The following PRKG1 variants were observed in gnomAD, a reference collection of about 807,000 sequenced individuals.
The protein encoded by PRKG1 is protein kinase cGMP-dependent 1.
Under a neutral mutation model 88.1 loss-of-function variants are expected in PRKG1, and 35 were observed. That is an observed-to-expected ratio of 0.40 (90% CI 0.30 to 0.53). The LOEUF (loss-of-function observed/expected upper bound fraction) is 0.53, where lower values mean the gene tolerates loss of function less well. PRKG1 is among the 20% of genes least tolerant of loss of function. The pLI, the probability that PRKG1 is intolerant of heterozygous loss-of-function variation, is 0.59. For missense variants in PRKG1, 540 were observed against 839.8 expected, an observed-to-expected ratio of 0.64 and a Z score of 4.41; for synonymous variants, 303 against 292.5, an observed-to-expected ratio of 1.04 and a Z score of -0.37.
intron 9 of PRKG1, among the ~76,000 whole-genome samples, chr10:52,245,950 C>G (rs954901921): frequency 6.6e-6 from 1 of 151,940 alleles, no homozygotes; most frequent in African/African-American, 2.4e-5. Flanking sequence ...TGCATGTGGA[C>G]TTTACTTTTA....
chr10:52,081,484 G>A (rs966101543), intron 7 of PRKG1: 4 of 428,508 alleles, frequency 9.3e-6, no homozygotes, highest in Admixed American at 2.5e-5. Flanking sequence ...ACACCACCTA[G>A]CTAAAAAGTC....
At chr10:51,760,226 G>A (rs973552977) in intron 3 of PRKG1, among the ~76,000 whole-genome samples, 12 of 152,036 alleles carry the variant, frequency 7.9e-5, no homozygotes, top group Non-Finnish European at 1.5e-4. Flanking sequence ...TTATTGTCTT[G>A]GTACGTTAAA....
chr10:52,280,997 A>G (rs1841992196), intron 13 of PRKG1, 67 bp downstream of exon 13: 2 of 1,505,892 alleles, frequency 1.3e-6, no homozygotes, highest in Non-Finnish European at 1.8e-6. Context: ...AACTGTGTTC[A>G]TTTGCTAATA....
upstream of PRKG1, among the ~76,000 whole-genome samples, chr10:51,069,635 C>G (rs1323827320): frequency 6.6e-6 from 1 of 152,004 alleles, no homozygotes; most frequent in East Asian, 1.9e-4. Context: ...AACATATTAA[C>G]ACAAAGTAAT....
chr10:51,391,347 T>C (rs1311345378), intron 2 of PRKG1, among the ~76,000 whole-genome samples: 1 of 152,206 alleles, frequency 6.6e-6, no homozygotes, highest in Non-Finnish European at 1.5e-5. Context: ...TTGATTTCCT[T>C]AGAGGTGTGC....
rs1846067125 is a variant in PRKG1 at position 52,054,622 on chromosome 10, C to G, written c.840+61C>G. ...GGGAGCCTGGGGTTGGTTAGTAACTCCAGTAGGAACACATGCAGAGTCTTG... is the reference window on the plus strand; with the variant it reads ...GGGAGCCTGGGGTTGGTTAGTAACTGCAGTAGGAACACATGCAGAGTCTTG... On this transcript the variant is annotated intron_variant, in intron 6 of 17. Transcript: ENST00000373980. 2.1e-6 allele frequency: 3 copies of G among 1,401,372 alleles called. No homozygotes were observed. The South Asian group carries it at 3.5e-5, about 16-fold the overall frequency. The allele number at this position is 1,401,372 out of a possible 1,614,324, so 86.8% of individuals were successfully genotyped here.
At chr10:51,948,892 T>A (rs1239942393) in intron 5 of PRKG1, among the ~76,000 whole-genome samples, 1 of 152,200 alleles carries the variant, frequency 6.6e-6, no homozygotes, top group Non-Finnish European at 1.5e-5. Flanking sequence ...ATTGATTCAA[T>A]AAGGATTACA....
intron 2 of PRKG1, among the ~76,000 whole-genome samples, chr10:51,179,097 G>A (rs186548602): frequency 1.8e-4 from 27 of 152,268 alleles, no homozygotes; most frequent in Admixed American, 1.4e-3. Flanking sequence ...GATGACTTGC[G>A]CTTAATGATG....
chr10:52,018,265 C>T (rs1282530106), intron 5 of PRKG1, among the ~76,000 whole-genome samples: 1 of 152,096 alleles, frequency 6.6e-6, no homozygotes, highest in East Asian at 1.9e-4. Context: ...TGTCTTTATT[C>T]ATTTTGCATT....
At chr10:51,527,421 A>G (rs769499381) in intron 3 of PRKG1, among the ~76,000 whole-genome samples, 28 of 152,194 alleles carry the variant, frequency 1.8e-4, no homozygotes, top group Non-Finnish European at 3.7e-4. Flanking sequence ...GAGTACTAAA[A>G]AGAAAAAACA....
At chr10:51,246,288 T>C (rs775494487) in intron 2 of PRKG1, among the ~76,000 whole-genome samples, 10 of 152,038 alleles carry the variant, frequency 6.6e-5, no homozygotes, top group Non-Finnish European at 1.3e-4. Flanking sequence ...AAAAGTTGTT[T>C]TGATAGAAAC....
intron 9 of PRKG1, among the ~76,000 whole-genome samples, chr10:52,181,419 C>CTTTTTTTTT (rs761799361): frequency 3.6e-5 from 2 of 55,064 alleles, no homozygotes; most frequent in African/African-American, 5.7e-5. Context: ...CACAGCTCTT[C>CTTTTTTTTT]TTTTTTTTTT....
intron 4 of PRKG1, among the ~76,000 whole-genome samples, chr10:51,822,056 C>T (rs1190686456): frequency 2.6e-5 from 4 of 151,698 alleles, no homozygotes; most frequent in African/African-American, 9.7e-5. Flanking sequence ...AATCTGTGTC[C>T]ATCTACAAGA....
chr10:51,697,532 A>C, intron 3 of PRKG1: 1 of 739,150 alleles, frequency 1.4e-6, no homozygotes, highest in South Asian at 2.0e-5. Context: ...CTCAATTAAA[A>C]AAAAAAGGAA....
intron 5 of PRKG1, among the ~76,000 whole-genome samples, chr10:51,949,028 T>G (rs966987033): frequency 6.6e-6 from 1 of 152,210 alleles, no homozygotes; most frequent in Non-Finnish European, 1.5e-5. Context: ...TGATTTTCAT[T>G]ATTGCGTCTT....
At chr10:51,620,541 C>T (rs1589136522) in intron 3 of PRKG1, among the ~76,000 whole-genome samples, 1 of 151,888 alleles carries the variant, frequency 6.6e-6, no homozygotes, top group African/African-American at 2.4e-5. Context: ...ACTTAAAGCC[C>T]TGTGTTTTTC....
intron 7 of PRKG1, among the ~76,000 whole-genome samples, chr10:52,119,017 A>G (rs1847753978): frequency 6.6e-6 from 1 of 152,112 alleles, no homozygotes; most frequent in Admixed American, 6.6e-5. Context: ...GTGAGAATCT[A>G]TTATTTAAAG....
At chr10:51,194,636 C>T (rs1837715794) in intron 2 of PRKG1, among the ~76,000 whole-genome samples, 1 of 152,010 alleles carries the variant, frequency 6.6e-6, no homozygotes, top group South Asian at 2.1e-4. Context: ...TTCAGATTGT[C>T]ATATTTTAGT....
At chr10:51,351,126 T>C (rs1842235049) in intron 2 of PRKG1, among the ~76,000 whole-genome samples, 1 of 152,222 alleles carries the variant, frequency 6.6e-6, no homozygotes, top group African/African-American at 2.4e-5. Flanking sequence ...CCATGGTATA[T>C]ATGTGCCACA....
Sources: allele counts gnomAD v4.1 joint callset (sites outside exome capture counted in the v4.1 genomes callset), GRCh38; gene constraint gnomAD v4.1.1; transcripts MANE v1.5; gene names NCBI Gene and HGNC (gene_info 2026-07-23, HGNC 2026-07-21).